MTUS2: variants seen among roughly 807,000 people sequenced by gnomAD.
MTUS2 encodes microtubule associated scaffold protein 2.
MTUS2 carries 40 observed loss-of-function variants against 114.1 expected under a neutral mutation model. The ratio of observed to expected loss-of-function variants is 0.35; its 90% CI spans 0.27 to 0.46. MTUS2 has a LOEUF of 0.46. Among genes scored for constraint, MTUS2 ranks in the 20% least tolerant of loss-of-function variants. The pLI, the probability that MTUS2 is intolerant of heterozygous loss-of-function variation, is 1.00. For missense variants in MTUS2, 1,679 were observed against 1,705.4 expected, an observed-to-expected ratio of 0.98 and a Z score of 0.27; for synonymous variants, 688 against 672.0, an observed-to-expected ratio of 1.02 and a Z score of -0.37.
intron 2 of MTUS2, among the ~76,000 whole-genome samples, chr13:28,845,631 C>T (rs1417009360): frequency 1.3e-5 from 2 of 151,688 alleles, no homozygotes; most frequent in Admixed American, 1.3e-4. Flanking sequence ...TGGTAGAGGT[C>T]CCTGTTATGT....
chr13:29,356,523 G>T (rs189286861), intron 7 of MTUS2, among the ~76,000 whole-genome samples: 231 of 152,328 alleles, frequency 1.5e-3, no homozygotes, highest in African/African-American at 5.1e-3. Context: ...CCTGAGCTGC[G>T]ATCTTTTTGT....
At chr13:29,492,398 G>A (rs1406636949) in intron 11 of MTUS2, among the ~76,000 whole-genome samples, 1 of 151,762 alleles carries the variant, frequency 6.6e-6, no homozygotes, top group African/African-American at 2.4e-5. Context: ...GTGTTCATAT[G>A]CGTTCTATCT....
intron 2 of MTUS2, among the ~76,000 whole-genome samples, chr13:28,909,298 G>A (rs185141735): frequency 0.013 from 2,036 of 151,688 alleles, 33 homozygotes; most frequent in East Asian, 0.035. Context: ...CCATTTTCAC[G>A]ATATTGATTC....
chr13:29,139,084 G>A (rs1460859494), intron 5 of MTUS2, among the ~76,000 whole-genome samples: 3 of 145,024 alleles, frequency 2.1e-5, no homozygotes, highest in Admixed American at 7.0e-5. Context: ...TGTTTTCCAC[G>A]TTCCCAGCCT....
intron 6 of MTUS2, among the ~76,000 whole-genome samples, chr13:29,303,562 A>T (rs9551642): frequency 0.078 from 11,835 of 152,282 alleles, 795 homozygotes; most frequent in East Asian, 0.36. Flanking sequence ...TCTTTCTGAA[A>T]TAAGACAGGC....
intron 2 of MTUS2, among the ~76,000 whole-genome samples, chr13:28,853,887 G>A (rs146900731): frequency 1.3e-3 from 194 of 152,328 alleles, no homozygotes; most frequent in African/African-American, 4.5e-3. Context: ...TGGATTCATA[G>A]CTAGTATTAT....
chr13:29,307,146 C>A (rs2139628014), intron 6 of MTUS2: 1 of 484,174 alleles, frequency 2.1e-6, no homozygotes, highest in East Asian at 4.7e-5. Flanking sequence ...TCCTTTCTGC[C>A]CCCTCTGCCA....
chr13:29,242,541 G>T (rs1593211829), intron 5 of MTUS2: 2 of 157,472 alleles, frequency 1.3e-5, no homozygotes, highest in East Asian at 3.2e-4. Flanking sequence ...TATTATTTTG[G>T]TGTCCCCTGT....
intron 9 of MTUS2, among the ~76,000 whole-genome samples, chr13:29,468,274 A>G (rs1880028037): frequency 6.6e-6 from 1 of 150,942 alleles, no homozygotes; most frequent in Non-Finnish European, 1.5e-5. Flanking sequence ...CAATATTTTT[A>G]TTCTTCAAAA....
chr13:29,471,742 G>GGCCCCCCCCCCCCCC (rs1880317604), intron 9 of MTUS2, among the ~76,000 whole-genome samples: 1 of 131,602 alleles, frequency 7.6e-6, no homozygotes, highest in Non-Finnish European at 1.6e-5. Context: ...TGCAGGCCCA[G>GGCCCCCCCCCCCCCC]CCCCCCCCGA....
chr13:29,244,352 G>A (rs1345169961), intron 5 of MTUS2, among the ~76,000 whole-genome samples: 3 of 152,320 alleles, frequency 2.0e-5, no homozygotes, highest in African/African-American at 4.8e-5. Flanking sequence ...TCTAGAATGG[G>A]CTCAGTAAGG....
At chr13:29,292,384 G>C (rs895368768) in intron 6 of MTUS2, among the ~76,000 whole-genome samples, 1 of 152,194 alleles carries the variant, frequency 6.6e-6, no homozygotes, top group East Asian at 1.9e-4. Context: ...AGTTTTTGGT[G>C]AGTGATTCTT....
intron 5 of MTUS2, among the ~76,000 whole-genome samples, chr13:29,178,256 A>C (rs1893856742): frequency 6.6e-6 from 1 of 152,190 alleles, no homozygotes; most frequent in South Asian, 2.1e-4. Flanking sequence ...ATGAAATTCA[A>C]ATTTGTCGAA....
At chr13:29,029,081 C>T (rs1886695283) in intron 3 of MTUS2, among the ~76,000 whole-genome samples, 1 of 152,224 alleles carries the variant, frequency 6.6e-6, no homozygotes, top group Admixed American at 6.5e-5. Flanking sequence ...CCCCAACAAG[C>T]CGACCAGCTG....
chr13:29,256,144 C>T (rs992501667), intron 5 of MTUS2, among the ~76,000 whole-genome samples: 10 of 152,122 alleles, frequency 6.6e-5, no homozygotes, highest in African/African-American at 1.4e-4. Context: ...AGCATAATAC[C>T]GACATGATAA....
intron 2 of MTUS2, among the ~76,000 whole-genome samples, chr13:28,890,861 A>C (rs751790881): frequency 6.6e-6 from 1 of 152,174 alleles, no homozygotes; most frequent in Non-Finnish European, 1.5e-5. Flanking sequence ...CATTTGAGCC[A>C]GCTGTGTCTG....
chr13:29,054,872 A>T (rs1208925283), intron 4 of MTUS2, among the ~76,000 whole-genome samples: 1 of 151,830 alleles, frequency 6.6e-6, no homozygotes, highest in Non-Finnish European at 1.5e-5. Flanking sequence ...AATTCCTCCA[A>T]ATTTGGGGAT....
At chr13:29,326,378 A>G (rs532195976) in intron 7 of MTUS2, among the ~76,000 whole-genome samples, 2 of 152,362 alleles carry the variant, frequency 1.3e-5, no homozygotes, top group South Asian at 4.1e-4. Context: ...ACCATAAATA[A>G]GGTCCTTATA....
intron 5 of MTUS2, among the ~76,000 whole-genome samples, chr13:29,134,078 G>A (rs1047688608): frequency 2.6e-5 from 4 of 152,048 alleles, no homozygotes; most frequent in Non-Finnish European, 5.9e-5. Flanking sequence ...GTCTTGTTAT[G>A]TTGTATTTTT....
Sources: gnomAD v4.1 joint callset for allele counts (sites outside exome capture counted in the v4.1 genomes callset) on GRCh38, gnomAD v4.1.1 for gene constraint, MANE v1.5 for transcripts, NCBI Gene and HGNC (gene_info 2026-07-23, HGNC 2026-07-21) for gene names.